The following ACTN2 variants were observed in gnomAD, a reference collection of about 807,000 sequenced individuals.
ACTN2 encodes alpha-actinin-2.
A neutral mutation model predicts 113.8 loss-of-function variants in ACTN2; 39 were observed. The observed-to-expected ratio is 0.34, with a 90% CI of 0.27 to 0.45. The LOEUF (loss-of-function observed/expected upper bound fraction) is 0.45, where lower values mean the gene tolerates loss of function less well. Ranked by LOEUF, ACTN2 falls within the 20% of genes least tolerant of loss-of-function variation. The pLI, the probability that ACTN2 is intolerant of heterozygous loss-of-function variation, is 1.00. For missense variants in ACTN2, 992 were observed against 1,177.9 expected (o/e 0.84, Z 2.31); for synonymous variants, 429 against 444.1 (o/e 0.97, Z 0.43).
At chr1:236,713,309 C>A (rs1284711816) in intron 1 of ACTN2, among the ~76,000 whole-genome samples, 2 of 151,690 alleles carry the variant, frequency 1.3e-5, no homozygotes, top group Non-Finnish European at 2.9e-5. Flanking sequence ...CTCACTGCAA[C>A]CTCTGCCTCC....
Position 236,762,528 on chromosome 1 carries a change from G to A in ACTN2, c.2594G>A (p.Arg865Lys). 6.2e-7 allele frequency: 1 copy of A among 1,614,108 alleles called. No homozygotes were observed. The highest frequency in any genetic ancestry group is 8.5e-7 in the Non-Finnish European group (1 of 1,179,976). ...PPDQAQYCIK[R>K]MPAYSGPGSV... ...GATCAGGCCCAGTACTGCATCAAGA[G>A]GATGCCCGCCTACTCGGGCCCAGGC... Residue 865 changes from arginine (R) to lysine (K), a missense_variant, in exon 21 of 21, where the codon AGG becomes AAG. Arg to Lys is a conservative substitution (Grantham distance 26). Around this residue, in one of 3 missense-constraint regions of ACTN2, gnomAD observed 736 missense variants for 815.4 expected, o/e 0.90. Transcript: ENST00000366578.
chr1:236,702,158 A>G (rs1158309505), intron 1 of ACTN2, among the ~76,000 whole-genome samples: 3 of 152,226 alleles, frequency 2.0e-5, no homozygotes, highest in Admixed American at 6.5e-5. Context: ...GTAGCGCTTC[A>G]TTGAGCAAAA....
At chr1:236,689,486 G>A (rs1267056601) in intron 1 of ACTN2, among the ~76,000 whole-genome samples, 2 of 151,502 alleles carry the variant, frequency 1.3e-5, no homozygotes, top group African/African-American at 4.9e-5. Context: ...CCTCCATGAC[G>A]TCAAGGCATG....
chr1:236,696,025 G>C (rs1231936283), intron 1 of ACTN2, among the ~76,000 whole-genome samples: 2 of 152,064 alleles, frequency 1.3e-5, no homozygotes, highest in Non-Finnish European at 2.9e-5. Context: ...ATTGTTTTGG[G>C]GCCAGGCGCA....
chr1:236,720,178 T>C lies in ACTN2; in HGVS notation c.435T>C (p.Asp145=). ...TCATCCTTCGCTTTGCTATTCAGGA[T>C]ATTTCGGTTGAAGGTAAAAGACATG... ...WTIILRFAIQ[D]ISVEETSAKE... Residue 145 remains aspartate (D), a synonymous_variant, in exon 4 of 21, where the codon GAT becomes GAC. Transcript: ENST00000366578. 6.2e-7 allele frequency: 1 copy of C among 1,613,252 alleles called. No homozygotes were observed. The highest frequency in any genetic ancestry group is 1.1e-5 in the South Asian group (1 of 91,066).
intron 1 of ACTN2, among the ~76,000 whole-genome samples, chr1:236,701,510 A>G (rs1200740109): frequency 6.6e-6 from 1 of 152,210 alleles, no homozygotes; most frequent in African/African-American, 2.4e-5. Flanking sequence ...AGCCCGGCTG[A>G]GTCCTCCTGC....
In ACTN2 at chr1:236,735,677, C is replaced by T. The variant is rs755492182; in HGVS notation, c.740C>T (p.Thr247Met). 1 of 1,614,208 alleles carries T rather than the reference C, an allele frequency of 6.2e-7. No homozygotes were observed. The highest frequency in any genetic ancestry group is 1.1e-5 in the South Asian group (1 of 91,086). The change falls in exon 8 of 21, where the codon ACG (threonine) becomes ATG (methionine). Residue 247 changes from threonine to methionine, a missense_variant. Coordinates refer to ENST00000366578, the MANE Select transcript of ACTN2 (RefSeq NM_001103.4). ...TPKPDERAIM[T>M]YVSCFYHAFA... ...AAACCCGATGAAAGAGCCATCATGA[C>T]GTACGTCTCTTGCTTCTACCACGCT...
intron 10 of ACTN2, 50 bp from the exon 11 acceptor site, chr1:236,742,846 A>G (rs777417625): frequency 7.4e-6 from 12 of 1,613,048 alleles, no homozygotes; most frequent in Admixed American, 5.0e-5. Flanking sequence ...CCAGAATGTA[A>G]CGAAGGTGCT....
At chr1:236,745,150 A>G (rs530456252) in intron 12 of ACTN2, among the ~76,000 whole-genome samples, 1 of 152,228 alleles carries the variant, frequency 6.6e-6, no homozygotes, top group South Asian at 2.1e-4. Flanking sequence ...AACAGAGGGC[A>G]CTGGCCGGGC....
At chr1:236,738,916 A>C (rs145190679) in intron 9 of ACTN2, among the ~76,000 whole-genome samples, 2 of 152,194 alleles carry the variant, frequency 1.3e-5, no homozygotes, top group Non-Finnish European at 2.9e-5. Context: ...TCTTTGCTGA[A>C]TTTATTACAC....
In ACTN2 at chr1:236,722,432, C is replaced by T. The variant is rs527353554; in HGVS notation, c.448+2241C>T. ...TGAGTGGATCATGAGGTCAGCAGTT[C>T]GAGACCAGCCTGGCCAACATGGTGA... On this transcript the variant is annotated intron_variant, in intron 4 of 20. Coordinates refer to ENST00000366578, the MANE Select transcript of ACTN2 (RefSeq NM_001103.4). Among the ~76,000 whole-genome samples the T allele has an allele frequency of 1.4e-4, 21 of 152,030 alleles. No individual in the cohort carries two copies. In the South Asian group the frequency reaches 3.1e-3, roughly 23 times the overall value.
At chr1:236,697,457 G>A (rs1265388348) in intron 1 of ACTN2, among the ~76,000 whole-genome samples, 1 of 152,228 alleles carries the variant, frequency 6.6e-6, no homozygotes, top group Non-Finnish European at 1.5e-5. Flanking sequence ...ATAGGTGGAA[G>A]AGGATCTACC....
intron 1 of ACTN2, among the ~76,000 whole-genome samples, chr1:236,716,136 G>C (rs536177561): frequency 2.2e-5 from 3 of 138,320 alleles, no homozygotes; most frequent in African/African-American, 8.1e-5. Context: ...ATTAAATGCT[G>C]TCACCTCCTT....
rs781683654 is a variant in ACTN2, at chr1:236,731,262, C to T, written c.645C>T (p.Ala215=). 11 of 1,613,614 alleles carry T rather than the reference C, an allele frequency of 6.8e-6. No individual in the cohort carries two copies. The African/African-American group carries it at 1.3e-4, about 20-fold the overall frequency. ...ACCCCATAGGAAATATTAACCTGGC[C>T]ATGGAAATCGCTGAGAAGCACCTGG... The part of the protein sequence containing the change: ...KDDPIGNINL[A]MEIAEKHLDI... The change falls in exon 7 of 21, where the codon GCC becomes GCT. Residue 215 remains alanine (A), a synonymous_variant. Coordinates refer to ENST00000366578, the MANE Select transcript of ACTN2 (RefSeq NM_001103.4).
chr1:236,734,305 T>C, intron 7 of ACTN2: 2 of 576,750 alleles, frequency 3.5e-6, no homozygotes, highest in Non-Finnish European at 5.9e-6. Context: ...TGAGCCAAAA[T>C]GTTAGGAACA....
chr1:236,747,757 G>A lies in ACTN2; in HGVS notation c.1497G>A (p.Lys499=). 1 of 1,613,956 alleles carries A rather than the reference G, an allele frequency of 6.2e-7. No individual in the cohort carries two copies. Among genetic ancestry groups the A allele is most frequent in the Admixed American group, 1.7e-5 (1 of 60,014 alleles). ...QWDRLGTLTQ[K]RREALERMEK... ...ACCGACTGGGAACGCTTACTCAGAA[G>A]AGGAGAGAAGCCCTAGAGGTGAAGT... The change falls in exon 13 of 21, where the codon AAG becomes AAA. Residue 499 remains lysine, a synonymous_variant. Coordinates refer to ENST00000366578, the MANE Select transcript of ACTN2 (RefSeq NM_001103.4).
intron 19 of ACTN2, among the ~76,000 whole-genome samples, chr1:236,760,786 C>A (rs573519440): frequency 6.6e-6 from 1 of 152,364 alleles, no homozygotes; most frequent in East Asian, 1.9e-4. Flanking sequence ...AGACTTCTGA[C>A]ATTTACAAGC....
intron 4 of ACTN2, among the ~76,000 whole-genome samples, chr1:236,721,022 GTTTTT>G (rs869077774): frequency 0.012 from 829 of 66,496 alleles, 170 homozygotes; most frequent in Non-Finnish European, 0.016. Flanking sequence ...TTTGTTTTTT[GTTTTT>G]TTTTTTTTTT....
rs1447324077 is a variant in ACTN2, at chr1:236,732,436, T to TTATTTTG, written c.697+1128_697+1129insGTATTTT. Among the ~76,000 whole-genome samples the TTATTTTG allele has an allele frequency of 8.0e-5, 12 of 149,104 alleles. No individual in the cohort carries two copies. The Middle Eastern group carries it at 0.01, about 129-fold the overall frequency. On this transcript the variant is annotated intron_variant, in intron 7 of 20. Coordinates refer to ENST00000366578, the MANE Select transcript of ACTN2 (RefSeq NM_001103.4). ...TTTCTTTTCTTTTTCTTTTTATTTT[T>TTATTTTG]TATTTTTTATTTTTTATTTTTTTTG...
Sources: gnomAD v4.1 joint callset for allele counts (sites outside exome capture counted in the v4.1 genomes callset) on GRCh38, gnomAD v4.1.1 for gene constraint, gnomAD v4.1.1 regional missense constraint, MANE v1.5 for transcripts, NCBI Gene and HGNC (gene_info 2026-07-23, HGNC 2026-07-21) for gene names.